Variants in CEP85L observed in about 807,000 individuals in gnomAD.
The protein encoded by CEP85L is centrosomal protein of 85 kDa-like.
In CEP85L, 60 loss-of-function variants were observed where a neutral mutation model predicts 100.3. The ratio of observed to expected loss-of-function variants is 0.60; its 90% confidence interval spans 0.49 to 0.74. The LOEUF (loss-of-function observed/expected upper bound fraction) is 0.74. CEP85L is among the 30% of genes least tolerant of loss of function. CEP85L has a pLI of 0.00. For missense variants in CEP85L, 973 were observed against 936.2 expected, an observed-to-expected ratio of 1.04 and a Z score of -0.51; for synonymous variants, 319 against 322.7, an observed-to-expected ratio of 0.99 and a Z score of 0.12.
At chr6:118,636,705 C>T (rs10457344) in intron 1 of CEP85L, among the ~76,000 whole-genome samples, 103,386 of 152,022 alleles carry the variant, frequency 0.68, 35,859 homozygotes, top group Middle Eastern at 0.74. Context: ...AGAATTCTTC[C>T]TGCCTGATCC....
chr6:118,693,517 C>G (rs1017546272), intron 1 of CEP85L, among the ~76,000 whole-genome samples: 5 of 152,162 alleles, frequency 3.3e-5, no homozygotes, highest in African/African-American at 1.2e-4. Flanking sequence ...TCTTATGATA[C>G]AGAAGATCTA....
At chr6:118,554,932 G>T (rs572648453) in intron 3 of CEP85L, among the ~76,000 whole-genome samples, 2 of 152,306 alleles carry the variant, frequency 1.3e-5, no homozygotes, top group African/African-American at 4.8e-5. Flanking sequence ...TGTCAACGTA[G>T]GGGATGACTC....
Position 118,470,660 on chromosome 6 carries a change from A to G in CEP85L, c.1915-16T>C. Reference sequence around the variant, plus strand: ...CTTGCATAGACTAGAATTTTTAAAAAAATTGGAAAGCAAAACAGGTTAACA... The same window carrying G: ...CTTGCATAGACTAGAATTTTTAAAAGAATTGGAAAGCAAAACAGGTTAACA... On this transcript the variant is annotated splice_polypyrimidine_tract_variant and intron_variant, in intron 10 of 12. Transcript: ENST00000368491. 6.6e-7 allele frequency: 1 copy of G among 1,505,942 alleles called. No homozygotes were observed. The highest frequency in any genetic ancestry group is 1.2e-5 in the South Asian group (1 of 82,422). The allele number at this position is 1,505,942 out of a possible 1,614,324, so 93.3% of individuals were successfully genotyped here.
chr6:118,527,714 G>A (rs1777059128), intron 3 of CEP85L, among the ~76,000 whole-genome samples: 1 of 151,892 alleles, frequency 6.6e-6, no homozygotes, highest in Non-Finnish European at 1.5e-5. Context: ...AGTAGGATTT[G>A]GAAATGCTTA....
intron 1 of CEP85L, among the ~76,000 whole-genome samples, chr6:118,686,069 C>T (rs551086132): frequency 3.9e-5 from 6 of 152,126 alleles, no homozygotes; most frequent in Non-Finnish European, 7.4e-5. Context: ...GAAAGGCCAG[C>T]GCAGCCTGGT....
chr6:118,596,252 G>A (rs76808799), intron 2 of CEP85L, among the ~76,000 whole-genome samples: 2 of 152,002 alleles, frequency 1.3e-5, no homozygotes, highest in Non-Finnish European at 2.9e-5. Context: ...CTGATATATG[G>A]CATGTTTTAA....
intron 1 of CEP85L, among the ~76,000 whole-genome samples, chr6:118,689,916 C>CTTTTTTTT (rs34964907): frequency 7.3e-6 from 1 of 136,206 alleles, no homozygotes; most frequent in Non-Finnish European, 1.6e-5. Flanking sequence ...TCCCTGCCTG[C>CTTTTTTTT]TTTTTTTTTT....
chr6:118,482,072 A>T (rs1773832029), intron 7 of CEP85L, 139 bp from the exon 8 acceptor site: 2 of 482,652 alleles, frequency 4.1e-6, no homozygotes, highest in Non-Finnish European at 6.7e-6. Context: ...TATTTTATCT[A>T]GAGTATTTAA....
chr6:118,657,758 T>C (rs1775846326), intron 1 of CEP85L, among the ~76,000 whole-genome samples: 1 of 152,206 alleles, frequency 6.6e-6, no homozygotes, highest in Non-Finnish European at 1.5e-5. Context: ...AGTTTGCCAC[T>C]ATTCAGAGTA....
At chr6:118,587,593 T>C (rs549444050) in intron 2 of CEP85L, among the ~76,000 whole-genome samples, 1 of 152,156 alleles carries the variant, frequency 6.6e-6, no homozygotes, top group East Asian at 1.9e-4. Flanking sequence ...AAATAACACA[T>C]GGGTCTTTCC....
chr6:118,496,356 T>TTTTTATTTTATTTTA (rs553361650), intron 5 of CEP85L, among the ~76,000 whole-genome samples: 9,539 of 139,440 alleles, frequency 0.068, 521 homozygotes, highest in Middle Eastern at 0.11. Flanking sequence ...TATTTTATAT[T>TTTTTATTTTATTTTA]TTTTATTTTA....
chr6:118,574,323 C>T (rs2115041550), intron 2 of CEP85L, among the ~76,000 whole-genome samples: 1 of 152,310 alleles, frequency 6.6e-6, no homozygotes, highest in African/African-American at 2.4e-5. Context: ...TGGTCCGACC[C>T]CAGCCAATGG....
intron 2 of CEP85L, among the ~76,000 whole-genome samples, chr6:118,584,492 G>T (rs1325993846): frequency 6.6e-6 from 1 of 152,162 alleles, no homozygotes; most frequent in East Asian, 1.9e-4. Flanking sequence ...CTTTTAACCT[G>T]GGAATCTGAA....
intron 3 of CEP85L, among the ~76,000 whole-genome samples, chr6:118,535,358 T>C (rs1354120504): frequency 1.3e-5 from 2 of 152,130 alleles, no homozygotes; most frequent in African/African-American, 2.4e-5. Context: ...AGATCAGTGG[T>C]TGCCAAGCGG....
At chr6:118,600,802 A>T (rs184953300) in intron 2 of CEP85L, among the ~76,000 whole-genome samples, 568 of 37,362 alleles carry the variant, frequency 0.015, 3 homozygotes, top group African/African-American at 0.053. Context: ...TGTCTTTTTT[A>T]AAAAAAAAAA....
chr6:118,648,619 G>A (rs1197381679), intron 1 of CEP85L, among the ~76,000 whole-genome samples: 1 of 151,832 alleles, frequency 6.6e-6, no homozygotes, highest in Non-Finnish European at 1.5e-5. Flanking sequence ...GCGGGAGCCT[G>A]TAGTCCCAGC....
chr6:118,675,290 T>A (rs1360808032), intron 1 of CEP85L, among the ~76,000 whole-genome samples: 1 of 151,968 alleles, frequency 6.6e-6, no homozygotes, highest in Non-Finnish European at 1.5e-5. Flanking sequence ...TCTATATATA[T>A]AGGCAAATTC....
chr6:118,614,576 G>A (rs1456212237), intron 2 of CEP85L, among the ~76,000 whole-genome samples: 2 of 152,208 alleles, frequency 1.3e-5, no homozygotes, highest in Non-Finnish European at 2.9e-5. Flanking sequence ...GGGCGCAGTG[G>A]CTCACACCTG....
upstream of CEP85L, chr6:118,656,695 A>G (rs534632915): frequency 6.6e-6 from 1 of 152,370 alleles, no homozygotes; most frequent in Non-Finnish European, 1.5e-5. Context: ...TAATACATTC[A>G]TATAATTTGT....
Sources: gnomAD v4.1 joint callset for allele counts (sites outside exome capture counted in the v4.1 genomes callset) on GRCh38, gnomAD v4.1.1 for gene constraint, MANE v1.5 for transcripts, NCBI Gene and HGNC (gene_info 2026-07-23, HGNC 2026-07-21) for gene names.